Variants in OR5H14 observed in about 807,000 individuals in gnomAD.
OR5H14 encodes the protein olfactory receptor family 5 subfamily H member 14, also known as olfactory receptor 5H14.
For synonymous variants in OR5H14, 155 were observed against 130.6 expected, an observed-to-expected ratio of 1.19 and a Z score of -1.28; for missense variants, 392 against 363.9, an observed-to-expected ratio of 1.08 and a Z score of -0.63.
chr3:98,152,273 A>G lies in OR5H14; in HGVS notation c.*1955A>G, dbSNP rs546122324. The G allele has an allele frequency of 3.9e-5, 6 of 152,242 alleles. No individual in the cohort carries two copies. In the South Asian group the frequency reaches 1.0e-3, roughly 26 times the overall value. The allele number at this position is 152,242 out of a possible 1,614,324, so 9.4% of individuals were successfully genotyped here. On this transcript the variant is annotated 3_prime_UTR_variant, in exon 2 of 2. Transcript: ENST00000641380. ...TTATGAATCCGGAGCCAGAAATACT[A>G]TTTGACTCAGCAATCCCATTACTGA...
rs1260877495 is a variant in OR5H14 at position 98,152,377 on chromosome 3, T to C, written c.*2059T>C. 1.3e-5 allele frequency: 2 copies of C among 152,192 alleles called. No homozygotes were observed. The highest frequency in any genetic ancestry group is 3.9e-4 in the East Asian group (2 of 5,164). The allele number at this position is 152,192 out of a possible 1,614,324, so 9.4% of individuals were successfully genotyped here. A position where few individuals can be genotyped will look rare whatever the true frequency, so the allele number is the denominator to read the frequency against. On this transcript the variant is annotated 3_prime_UTR_variant, in exon 2 of 2. Coordinates refer to ENST00000641380, the MANE Select transcript of OR5H14 (RefSeq NM_001005514.2). Reference sequence around the variant, plus strand: ...ATGTTTACTGGAGCACTATTCACAATAGCAAACACTTGGAACCAACCCAAA... The same window carrying C: ...ATGTTTACTGGAGCACTATTCACAACAGCAAACACTTGGAACCAACCCAAA...
In OR5H14 at chr3:98,149,474, C is replaced by T; in HGVS notation, c.89C>T (p.Ala30Val). ...QPQWKIPLFL[A>V]FLVIYLITIM... ...CAGTGGAAAATACCCCTGTTCCTGGCATTCTTGGTAATATATCTCATCACC... is the reference window on the plus strand; with the variant it reads ...CAGTGGAAAATACCCCTGTTCCTGGTATTCTTGGTAATATATCTCATCACC... Residue 30 changes from alanine (A) to valine (V), a missense_variant, in exon 2 of 2, where the codon GCA becomes GTA. Transcript: ENST00000641380. The T allele has an allele frequency of 6.2e-7, 1 of 1,613,322 alleles. No individual in the cohort carries two copies. Among genetic ancestry groups the T allele is most frequent in the East Asian group, 2.2e-5 (1 of 44,866 alleles).
At position 98,156,239 on chromosome 3, in the gene OR5H14, T is replaced by G. The variant is rs1708588424; in HGVS notation, c.*5921T>G. On this transcript the variant is annotated 3_prime_UTR_variant, in exon 2 of 2. Transcript: ENST00000641380. ...TCTCTGCTTTAGAAAGCCTAATACT[T>G]TTAAAGGATCTCCATAATTTCTTAT... 1 of 152,180 alleles carries G rather than the reference T, an allele frequency of 6.6e-6. No individual in the cohort carries two copies. The highest frequency in any genetic ancestry group is 2.4e-5 in the African/African-American group (1 of 41,468). 9.4% of individuals were successfully genotyped at this position (152,180 alleles called of 1,614,324 possible).
intron 1 of OR5H14, among the ~76,000 whole-genome samples, chr3:98,149,142 C>T (rs909004162): frequency 6.6e-6 from 1 of 151,928 alleles, no homozygotes; most frequent in Non-Finnish European, 1.5e-5. Flanking sequence ...CAAGACTGTG[C>T]CCATAAATTT....
chr3:98,148,458 T>G (rs1343096464), intron 1 of OR5H14, among the ~76,000 whole-genome samples: 1 of 152,022 alleles, frequency 6.6e-6, no homozygotes, highest in African/African-American at 2.4e-5. Flanking sequence ...ATATTGCTGA[T>G]TGGATCTCAC....
chr3:98,154,846 C>G lies in OR5H14; in HGVS notation c.*4528C>G, dbSNP rs1229231706. 3 of 152,212 alleles carry G rather than the reference C, an allele frequency of 2.0e-5. No individual in the cohort carries two copies. The highest frequency in any genetic ancestry group is 4.4e-5 in the Non-Finnish European group (3 of 68,020). The allele number at this position is 152,212 out of a possible 1,614,324, so 9.4% of individuals were successfully genotyped here. On this transcript the variant is annotated 3_prime_UTR_variant, in exon 2 of 2. Coordinates refer to ENST00000641380, the MANE Select transcript of OR5H14 (RefSeq NM_001005514.2). ...TTTGATTTTGAAACAAAGATGGTAA[C>G]AGTCTCTCCTCAAAGCAAACTTCCT...
rs1352691469 is a variant in OR5H14, at chr3:98,155,173, C to T, written c.*4855C>T. Reference sequence around the variant, plus strand: ...TTAACCCCTATGATTTTATCCCCAACACAACCAATCAGCTTTCCTCATTCC... The same window carrying T: ...TTAACCCCTATGATTTTATCCCCAATACAACCAATCAGCTTTCCTCATTCC... On this transcript the variant is annotated 3_prime_UTR_variant, in exon 2 of 2. Coordinates refer to ENST00000641380, the MANE Select transcript of OR5H14 (RefSeq NM_001005514.2). The T allele has an allele frequency of 2.6e-5, 4 of 152,270 alleles. No homozygotes were observed. Among genetic ancestry groups the T allele is most frequent in the African/African-American group, 7.2e-5 (3 of 41,460 alleles). The allele number at this position is 152,270 out of a possible 1,614,324, so 9.4% of individuals were successfully genotyped here.
In OR5H14 at chr3:98,154,707, G is replaced by C. The variant is rs1389159922; in HGVS notation, c.*4389G>C. ...AATGATGACAGAAAAATCTCACATA[G>C]GAATATTATGACAGTGAATCTGAAA... On this transcript the variant is annotated 3_prime_UTR_variant, in exon 2 of 2. Transcript: ENST00000641380. 1 of 152,202 alleles carries C rather than the reference G, an allele frequency of 6.6e-6. No individual in the cohort carries two copies. 9.4% of individuals were successfully genotyped at this position (152,202 alleles called of 1,614,324 possible). A position where few individuals can be genotyped will look rare whatever the true frequency, so the allele number is the denominator to read the frequency against.
rs755488333 is a variant in OR5H14 at position 98,149,369 on chromosome 3, G to A, written c.-17G>A. 6 of 1,610,752 alleles carry A rather than the reference G, an allele frequency of 3.7e-6. No homozygotes were observed. Among genetic ancestry groups the A allele is most frequent in the Admixed American group, 1.7e-5 (1 of 59,666 alleles). On this transcript the variant is annotated splice_region_variant and 5_prime_UTR_variant, in exon 2 of 2. Coordinates refer to ENST00000641380, the MANE Select transcript of OR5H14 (RefSeq NM_001005514.2). ...TTCATTTGTTGCATTTTATTTTAGA[G>A]GACATGCAGTGAGGACATGGAAGAG...
Position 98,149,970 on chromosome 3 carries a change from C to G in OR5H14, c.585C>G (p.Asn195Lys). The change falls in exon 2 of 2, where the codon AAC (asparagine) becomes AAG (lysine). Residue 195 changes from asparagine (N) to lysine (K), a missense_variant. Transcript: ENST00000641380. The part of the protein sequence containing the change: ...LKISYTDSSI[N>K]FLMVFIFAGS... ...TTTCTTATACTGATTCCTCTATTAA[C>G]TTTCTAATGGTTTTTATTTTTGCAG... 1 of 1,612,992 alleles carries G rather than the reference C, an allele frequency of 6.2e-7. No homozygotes were observed. The highest frequency in any genetic ancestry group is 8.5e-7 in the Non-Finnish European group (1 of 1,179,422).
In OR5H14 at chr3:98,154,370, A is replaced by G. The variant is rs1479595572; in HGVS notation, c.*4052A>G. The G allele has an allele frequency of 6.6e-6, 1 of 152,228 alleles. No individual in the cohort carries two copies. Among genetic ancestry groups the G allele is most frequent in the Non-Finnish European group, 1.5e-5 (1 of 68,040 alleles). The allele number at this position is 152,228 out of a possible 1,614,324, so 9.4% of individuals were successfully genotyped here. A position where few individuals can be genotyped will look rare whatever the true frequency, so the allele number is the denominator to read the frequency against. On this transcript the variant is annotated 3_prime_UTR_variant, in exon 2 of 2. Coordinates refer to ENST00000641380, the MANE Select transcript of OR5H14 (RefSeq NM_001005514.2). Reference sequence around the variant, plus strand: ...AACCAGGTTAAAGTATCATGTTACTAAATTGATAAAGATCAGGGAGTCCTG... The same window carrying G: ...AACCAGGTTAAAGTATCATGTTACTGAATTGATAAAGATCAGGGAGTCCTG...
At position 98,154,033 on chromosome 3, in the gene OR5H14, G is replaced by A. The variant is rs1708544133; in HGVS notation, c.*3715G>A. ...CAGTGTAGCTTTTGTTTTGTAACTAGGTTAATGAGTTGAAGGTGGATCCCA... is the reference window on the plus strand; with the variant it reads ...CAGTGTAGCTTTTGTTTTGTAACTAAGTTAATGAGTTGAAGGTGGATCCCA... On this transcript the variant is annotated 3_prime_UTR_variant, in exon 2 of 2. Coordinates refer to ENST00000641380, the MANE Select transcript of OR5H14 (RefSeq NM_001005514.2). 1 of 152,066 alleles carries A rather than the reference G, an allele frequency of 6.6e-6. No homozygotes were observed. The highest frequency in any genetic ancestry group is 6.5e-5 in the Admixed American group (1 of 15,270). The allele number at this position is 152,066 out of a possible 1,614,324, so 9.4% of individuals were successfully genotyped here. A position where few individuals can be genotyped will look rare whatever the true frequency, so the allele number is the denominator to read the frequency against.
chr3:98,150,961 C>A lies in OR5H14; in HGVS notation c.*643C>A, dbSNP rs761454456. The A allele has an allele frequency of 2.6e-5, 4 of 152,116 alleles. No individual in the cohort carries two copies. Among genetic ancestry groups the A allele is most frequent in the Non-Finnish European group, 2.9e-5 (2 of 68,030 alleles). The allele number at this position is 152,116 out of a possible 1,614,324, so 9.4% of individuals were successfully genotyped here. A position where few individuals can be genotyped will look rare whatever the true frequency, so the allele number is the denominator to read the frequency against. On this transcript the variant is annotated 3_prime_UTR_variant, in exon 2 of 2. Transcript: ENST00000641380. ...CTCTCTGTGCTTGTATGAGTAAGAA[C>A]CATGCAGCCTCTAACTTCCTAAGAT...
At chr3:98,148,794 C>A (rs1170333633) in intron 1 of OR5H14, among the ~76,000 whole-genome samples, 1 of 151,956 alleles carries the variant, frequency 6.6e-6, no homozygotes, top group Non-Finnish European at 1.5e-5. Context: ...TAAAATCTCA[C>A]AATCTATATT....
Position 98,149,806 on chromosome 3 carries a change from T to A in OR5H14, c.421T>A (p.Cys141Ser). The A allele has an allele frequency of 1.2e-6, 2 of 1,612,788 alleles. No homozygotes were observed. Among genetic ancestry groups the A allele is most frequent in the Non-Finnish European group, 1.7e-6 (2 of 1,179,690 alleles). ...TCCAGCCATTATGACCAATGGACTG[T>A]GCATCCGGCTATTAATCTTGTCATA... The part of the protein sequence containing the change: ...LYPAIMTNGL[C>S]IRLLILSYVG... The change falls in exon 2 of 2, where the codon TGC becomes AGC. Residue 141 changes from cysteine (C) to serine (S), a missense_variant. Transcript: ENST00000641380.
Position 98,149,692 on chromosome 3 carries a change from T to C in OR5H14, c.307T>C (p.Ser103Pro). The change falls in exon 2 of 2, where the codon TCG becomes CCG. Residue 103 changes from serine to proline, a missense_variant. By Grantham distance (74) the Ser-to-Pro change is moderately conservative. Transcript: ENST00000641380. ...SLSECKIQLF[S>P]FAISVTTECF... ...CTCTGAATGCAAGATACAGTTGTTTTCGTTTGCAATCAGTGTAACCACGGA... is the reference window on the plus strand; with the variant it reads ...CTCTGAATGCAAGATACAGTTGTTTCCGTTTGCAATCAGTGTAACCACGGA... 1 of 1,613,336 alleles carries C rather than the reference T, an allele frequency of 6.2e-7. No homozygotes were observed. The highest frequency in any genetic ancestry group is 8.5e-7 in the Non-Finnish European group (1 of 1,179,640).
At position 98,149,996 on chromosome 3, in the gene OR5H14, GTTCAA is replaced by G. The variant is rs1708481522; in HGVS notation, c.617_621del (p.Ile206SerfsTer61). On this transcript the variant is annotated frameshift_variant, in exon 2 of 2. Transcript: ENST00000641380. LOFTEE classifies it low-confidence loss of function (END_TRUNC). The stretch of plus-strand genomic sequence containing the variant: ...TTTCTAATGGTTTTTATTTTTGCAG[GTTCAA>G]TTCAAGTTTTTACCATAGGGACTGT... 3.7e-6 allele frequency: 6 copies of G among 1,612,836 alleles called. No individual in the cohort carries two copies. Among genetic ancestry groups the G allele is most frequent in the Non-Finnish European group, 5.1e-6 (6 of 1,179,480 alleles).
At chr3:98,147,752 A>C (rs1708441444) in intron 1 of OR5H14, among the ~76,000 whole-genome samples, 198 bp downstream of exon 1, 1 of 152,056 alleles carries the variant, frequency 6.6e-6, no homozygotes, top group South Asian at 2.1e-4. Context: ...ATAAGACTGA[A>C]TTGTTCCTTT....
In OR5H14 at chr3:98,156,454, A is replaced by G. The variant is rs1182348125; in HGVS notation, c.*6136A>G. 6.6e-6 allele frequency: 1 copy of G among 152,182 alleles called. No homozygotes were observed. Among genetic ancestry groups the G allele is most frequent in the African/African-American group, 2.4e-5 (1 of 41,462 alleles). The allele number at this position is 152,182 out of a possible 1,614,324, so 9.4% of individuals were successfully genotyped here. A position where few individuals can be genotyped will look rare whatever the true frequency, so the allele number is the denominator to read the frequency against. On this transcript the variant is annotated 3_prime_UTR_variant, in exon 2 of 2. Transcript: ENST00000641380. ...TGGTTAAAATCTTGACAAGCAAAAT[A>G]CCTATAAAATAAGTTTTTAATGATA...
Sources: gnomAD v4.1 joint callset for allele counts (sites outside exome capture counted in the v4.1 genomes callset) on GRCh38, gnomAD v4.1.1 for gene constraint, MANE v1.5 for transcripts, NCBI Gene and HGNC (gene_info 2026-07-23, HGNC 2026-07-21) for gene names.